SLC35F3: variants seen among roughly 807,000 people sequenced by gnomAD.
SLC35F3 encodes the protein solute carrier family 35 member F3.
SLC35F3 carries 25 observed loss-of-function variants against 49.9 expected under a neutral mutation model. The observed-to-expected ratio is 0.50, with a 90% CI of 0.37 to 0.70. The LOEUF (loss-of-function observed/expected upper bound fraction) is 0.70. Ranked by LOEUF, SLC35F3 falls within the 30% of genes least tolerant of loss-of-function variation. The pLI is 0.00. For missense variants in SLC35F3, 525 were observed against 639.8 expected (o/e 0.82, Z 1.94); for synonymous variants, 275 against 265.4 (o/e 1.04, Z -0.35).
At chr1:233,991,654 C>G (rs1049573786) in intron 2 of SLC35F3, among the ~76,000 whole-genome samples, 2 of 151,956 alleles carry the variant, frequency 1.3e-5, no homozygotes, top group African/African-American at 4.8e-5. Flanking sequence ...TACTTATGAC[C>G]ACTACAAGTA....
intron 2 of SLC35F3, among the ~76,000 whole-genome samples, chr1:234,140,008 T>TAAGATAAGATAAGATAA: frequency 2.5e-5 from 1 of 39,602 alleles, no homozygotes; most frequent in Non-Finnish European, 6.3e-5. Context: ...ATAAAGTAAG[T>TAAGATAAGATAAGATAA]GACTTGAACA....
chr1:234,236,687 C>T (rs1378157600), intron 3 of SLC35F3, among the ~76,000 whole-genome samples: 1 of 151,886 alleles, frequency 6.6e-6, no homozygotes, highest in Non-Finnish European at 1.5e-5. Flanking sequence ...TGAGGAGTTT[C>T]ACTTCCAGTG....
chr1:234,288,543 T>C (rs542494), intron 3 of SLC35F3, among the ~76,000 whole-genome samples: 33,921 of 152,094 alleles, frequency 0.22, 5,119 homozygotes, highest in East Asian at 0.73. Context: ...GACTCAAGCC[T>C]CAAAGGATTT....
At chr1:234,179,790 G>A (rs10910370) in intron 2 of SLC35F3, among the ~76,000 whole-genome samples, 11,895 of 152,196 alleles carry the variant, frequency 0.078, 1,305 homozygotes, top group African/African-American at 0.25. Context: ...TAAAGGGAGT[G>A]GAGCAGCACA....
At chr1:234,288,730 G>A (rs908655572) in intron 3 of SLC35F3, among the ~76,000 whole-genome samples, 1 of 152,144 alleles carries the variant, frequency 6.6e-6, no homozygotes, top group Non-Finnish European at 1.5e-5. Context: ...TCCTGATAAG[G>A]AAACTAAGGA....
chr1:233,967,888 C>T (rs1662927216), intron 2 of SLC35F3, among the ~76,000 whole-genome samples: 1 of 152,112 alleles, frequency 6.6e-6, no homozygotes, highest in African/African-American at 2.4e-5. Context: ...AAAAACAACC[C>T]ATGGCTCCAA....
At chr1:234,149,889 A>G (rs1197884368) in intron 2 of SLC35F3, among the ~76,000 whole-genome samples, 1 of 152,200 alleles carries the variant, frequency 6.6e-6, no homozygotes, top group African/African-American at 2.4e-5. Context: ...GTCCAATCTC[A>G]GGCCAACCCA....
intron 2 of SLC35F3, among the ~76,000 whole-genome samples, chr1:234,096,025 T>G (rs1297851467): frequency 2.6e-5 from 4 of 152,226 alleles, no homozygotes; most frequent in African/African-American, 9.7e-5. Context: ...TTTCATGTGT[T>G]TCTTACCTAA....
chr1:234,050,118 A>G (rs1451671874), intron 2 of SLC35F3, among the ~76,000 whole-genome samples: 1 of 152,206 alleles, frequency 6.6e-6, no homozygotes, highest in Non-Finnish European at 1.5e-5. Context: ...GTGTCTTTAT[A>G]GCAGCATGAC....
chr1:233,950,160 G>C (rs928971387), intron 2 of SLC35F3, among the ~76,000 whole-genome samples: 2 of 152,010 alleles, frequency 1.3e-5, no homozygotes. Context: ...GCTGAGGTGG[G>C]TGGATCACGA....
intron 2 of SLC35F3, among the ~76,000 whole-genome samples, chr1:234,135,074 G>A (rs750009269): frequency 1.3e-5 from 2 of 152,174 alleles, no homozygotes; most frequent in Non-Finnish European, 2.9e-5. Flanking sequence ...GACAGAGAAT[G>A]AGGACATGCA....
chr1:234,021,732 C>T (rs72756103), intron 2 of SLC35F3, among the ~76,000 whole-genome samples: 4,258 of 152,300 alleles, frequency 0.028, 70 homozygotes, highest in Middle Eastern at 0.061. Context: ...CCTCCCTTTC[C>T]TTACCACTGG....
At chr1:234,041,913 A>G (rs748908) in intron 2 of SLC35F3, among the ~76,000 whole-genome samples, 57,499 of 152,060 alleles carry the variant, frequency 0.38, 13,612 homozygotes, top group African/African-American at 0.67. Flanking sequence ...TGTGACACAC[A>G]GGAAGGAGTC....
intron 3 of SLC35F3, among the ~76,000 whole-genome samples, chr1:234,245,217 G>A (rs1443569876): frequency 6.6e-6 from 1 of 152,180 alleles, no homozygotes; most frequent in Non-Finnish European, 1.5e-5. Flanking sequence ...AGAACATGCA[G>A]TATTTCTCTT....
intron 2 of SLC35F3, among the ~76,000 whole-genome samples, chr1:234,134,531 T>C (rs554041178): frequency 6.6e-6 from 1 of 150,846 alleles, no homozygotes; most frequent in Non-Finnish European, 1.5e-5. Flanking sequence ...TTATACATAA[T>C]GTTTCAGGTA....
intron 2 of SLC35F3, among the ~76,000 whole-genome samples, chr1:233,989,536 G>T (rs1465906900): frequency 1.3e-5 from 2 of 152,134 alleles, no homozygotes; most frequent in Non-Finnish European, 2.9e-5. Context: ...AGGGAAAGGT[G>T]ATGTTTTCAT....
intron 2 of SLC35F3, among the ~76,000 whole-genome samples, chr1:234,069,152 A>G (rs1432901055): frequency 3.7e-5 from 5 of 133,636 alleles, no homozygotes; most frequent in Admixed American, 8.2e-5. Flanking sequence ...TAATATATTT[A>G]TAGACAATAA....
chr1:233,993,415 G>GA (rs1293239722), intron 2 of SLC35F3, among the ~76,000 whole-genome samples: 1 of 152,166 alleles, frequency 6.6e-6, no homozygotes. Context: ...AACTTGCTTG[G>GA]AAGCCCCAGC....
intron 3 of SLC35F3, among the ~76,000 whole-genome samples, chr1:234,299,260 G>A (rs1375278373): frequency 6.6e-6 from 1 of 152,192 alleles, no homozygotes; most frequent in African/African-American, 2.4e-5. Context: ...GACTTTAGTA[G>A]TCTCATAGTC....
Sources: gnomAD v4.1 joint callset for allele counts (sites outside exome capture counted in the v4.1 genomes callset) on GRCh38, gnomAD v4.1.1 for gene constraint, MANE v1.5 for transcripts, NCBI Gene and HGNC (gene_info 2026-07-23, HGNC 2026-07-21) for gene names.